Variants in TET1 observed in about 807,000 individuals in gnomAD.
The protein encoded by TET1 is tet methylcytosine dioxygenase 1.
Under a neutral mutation model 148.7 loss-of-function variants are expected in TET1, and 13 were observed. That is an observed-to-expected ratio of 0.09 (90% CI 0.06 to 0.14). The LOEUF is 0.14. Among genes scored for constraint, TET1 ranks in the 10% least tolerant of loss-of-function variants. The pLI is 1.00. For synonymous variants in TET1, 907 were observed against 937.2 expected (o/e 0.97, Z 0.59); for missense variants, 2,182 against 2,553.8 (o/e 0.85, Z 3.14).
chr10:68,657,233 G>C (rs1330182705), intron 6 of TET1, among the ~76,000 whole-genome samples: 2 of 152,028 alleles, frequency 1.3e-5, no homozygotes, highest in South Asian at 4.1e-4. Context: ...CTGGAGTGCA[G>C]TGGCGTGATC....
At chr10:68,673,167 A>T (rs1291565904) in intron 8 of TET1, 122 bp downstream of exon 8, 3 of 639,382 alleles carry the variant, frequency 4.7e-6, no homozygotes, top group Non-Finnish European at 6.9e-6. Flanking sequence ...GTAATCAAAT[A>T]GTAAAATTAT....
chr10:68,671,124 T>C (rs1223391043), intron 7 of TET1, among the ~76,000 whole-genome samples: 4 of 152,188 alleles, frequency 2.6e-5, no homozygotes, highest in African/African-American at 7.2e-5. Context: ...CAGGGGTTTG[T>C]TGTGCAGATT....
chr10:68,580,414 G>A (rs2053780916), intron 2 of TET1, among the ~76,000 whole-genome samples: 1 of 140,750 alleles, frequency 7.1e-6, no homozygotes, highest in African/African-American at 2.6e-5. Context: ...CTGACCTCCG[G>A]GCTCAAGTCA....
rs183931334 is a variant in TET1, at chr10:68,567,271, T to C, written c.-122-4946T>C. The stretch of plus-strand genomic sequence containing the variant: ...TCTCTGAAGGACACAGAGCTGGCGA[T>C]CACAGATTCAAACCCAGGACTTTTT... On this transcript the variant is annotated intron_variant, in intron 1 of 11. Transcript: ENST00000373644. Among the ~76,000 whole-genome samples the C allele has an allele frequency of 1.1e-4, 16 of 152,264 alleles. No individual in the cohort carries two copies. In the East Asian group the frequency reaches 2.9e-3, roughly 28 times the overall value.
intron 2 of TET1, among the ~76,000 whole-genome samples, chr10:68,589,607 G>C (rs1279990839): frequency 6.6e-6 from 1 of 150,748 alleles, no homozygotes; most frequent in African/African-American, 2.4e-5. Flanking sequence ...CCCAGCCTTA[G>C]TGCTCTGGGA....
chr10:68,632,671 T>C (rs2070480589), intron 3 of TET1: 4 of 1,603,372 alleles, frequency 2.5e-6, no homozygotes, highest in East Asian at 2.2e-5. Context: ...GAAGATATTA[T>C]ATGAAGGTAC....
chr10:68,656,231 C>T (rs2055019382), intron 6 of TET1, among the ~76,000 whole-genome samples: 2 of 152,134 alleles, frequency 1.3e-5, no homozygotes, highest in South Asian at 4.2e-4. Flanking sequence ...TCGAATCATC[C>T]CAAAACCTCT....
chr10:68,595,919 CATAT>C (rs374124558), intron 2 of TET1, among the ~76,000 whole-genome samples: 1,303 of 34,526 alleles, frequency 0.038, 129 homozygotes, highest in East Asian at 0.18. Context: ...CCAGCCAAAA[CATAT>C]ATATATATAT....
chr10:68,647,659 T>A (rs372041484), intron 4 of TET1, among the ~76,000 whole-genome samples: 2 of 152,130 alleles, frequency 1.3e-5, no homozygotes, highest in East Asian at 3.9e-4. Context: ...TGTTTATTCT[T>A]CCTATATTCA....
At chr10:68,570,688 G>A (rs1361260177) in intron 1 of TET1, among the ~76,000 whole-genome samples, 5 of 151,500 alleles carry the variant, frequency 3.3e-5, no homozygotes, top group Non-Finnish European at 7.4e-5. Context: ...GGAGTGCAGT[G>A]GCGTGATCTT....
At chr10:68,684,478 T>C (rs1029406094) in intron 10 of TET1, among the ~76,000 whole-genome samples, 1 of 151,904 alleles carries the variant, frequency 6.6e-6, no homozygotes, top group Non-Finnish European at 1.5e-5. Flanking sequence ...AAATCCAGCC[T>C]GGTAAATACT....
At chr10:68,664,876 G>A (rs1280317985) in intron 6 of TET1, among the ~76,000 whole-genome samples, 1 of 151,730 alleles carries the variant, frequency 6.6e-6, no homozygotes, top group African/African-American at 2.4e-5. Context: ...CCAGGTTCAA[G>A]GGATCCTCCC....
chr10:68,561,677 T>C (rs1180244742), intron 1 of TET1, among the ~76,000 whole-genome samples: 1 of 150,438 alleles, frequency 6.6e-6, no homozygotes. Context: ...TGCTCTCCTC[T>C]CTCTCTGTGC....
intron 3 of TET1, among the ~76,000 whole-genome samples, chr10:68,625,840 A>C (rs1196496417): frequency 6.6e-6 from 1 of 152,036 alleles, no homozygotes; most frequent in Non-Finnish European, 1.5e-5. Context: ...TAATCTCAGC[A>C]CTTTGGGAGG....
chr10:68,607,313 T>C (rs1385911347), intron 3 of TET1, among the ~76,000 whole-genome samples: 1 of 152,232 alleles, frequency 6.6e-6, no homozygotes, highest in Non-Finnish European at 1.5e-5. Flanking sequence ...CTTTCTTTAC[T>C]GTATAGCTCT....
intron 2 of TET1, among the ~76,000 whole-genome samples, chr10:68,595,951 T>TACACACAC: frequency 6.3e-5 from 2 of 31,930 alleles, no homozygotes; most frequent in Middle Eastern, 0.014. Flanking sequence ...TATATATATA[T>TACACACAC]ATATATATAT....
chr10:68,657,322 G>T (rs751983467), intron 6 of TET1, among the ~76,000 whole-genome samples: 1 of 152,022 alleles, frequency 6.6e-6, no homozygotes, highest in Non-Finnish European at 1.5e-5. Flanking sequence ...GACTACAGGC[G>T]CCTGCCACCA....
intron 2 of TET1, among the ~76,000 whole-genome samples, chr10:68,600,375 C>A (rs1255969333): frequency 1.3e-5 from 2 of 152,118 alleles, no homozygotes; most frequent in African/African-American, 4.8e-5. Context: ...TTTGTTGAAG[C>A]CTCCTGTGAT....
chr10:68,661,769 G>A (rs568217518), intron 6 of TET1, among the ~76,000 whole-genome samples: 5 of 151,738 alleles, frequency 3.3e-5, no homozygotes, highest in East Asian at 3.9e-4. Flanking sequence ...ACAGGCATGA[G>A]CCACCATGCC....
Sources: allele counts gnomAD v4.1 joint callset (sites outside exome capture counted in the v4.1 genomes callset), GRCh38; gene constraint gnomAD v4.1.1; transcripts MANE v1.5; gene names NCBI Gene and HGNC (gene_info 2026-07-23, HGNC 2026-07-21).